Variants in CRB1 observed in about 807,000 individuals in gnomAD.
CRB1 encodes protein crumbs homolog 1.
In CRB1, 83 loss-of-function variants were observed where a neutral mutation model predicts 120.0. The ratio of observed to expected loss-of-function variants is 0.69; its 90% CI spans 0.58 to 0.83. The LOEUF is 0.83. Ranked by LOEUF, CRB1 falls within the 40% of genes least tolerant of loss-of-function variation. The pLI, the probability that CRB1 is intolerant of heterozygous loss-of-function variation, is 0.00. For missense variants in CRB1, 1,699 were observed against 1,687.6 expected, an observed-to-expected ratio of 1.01 and a Z score of -0.12; for synonymous variants, 625 against 612.5, an observed-to-expected ratio of 1.02 and a Z score of -0.30.
intron 1 of CRB1, among the ~76,000 whole-genome samples, chr1:197,311,746 TTGAG>T (rs1558045834): frequency 2.1e-5 from 3 of 140,772 alleles, no homozygotes; most frequent in East Asian, 4.3e-4. Flanking sequence ...TGTGTGTGTG[TTGAG>T]AAGATTTAAG....
intron 1 of CRB1, among the ~76,000 whole-genome samples, chr1:197,287,138 A>T (rs993083824): frequency 6.6e-6 from 1 of 151,934 alleles, no homozygotes; most frequent in African/African-American, 2.4e-5. Context: ...AATATATAGG[A>T]GCTAATTAGA....
intron 2 of CRB1, among the ~76,000 whole-genome samples, chr1:197,331,310 G>C (rs1187552793): frequency 2.0e-5 from 3 of 152,106 alleles, no homozygotes; most frequent in Admixed American, 6.5e-5. Flanking sequence ...TCAGGTAAAT[G>C]AATATTAAAT....
chr1:197,314,535 T>TATAGGA (rs1657733005), intron 1 of CRB1, among the ~76,000 whole-genome samples: 1 of 152,162 alleles, frequency 6.6e-6, no homozygotes, highest in East Asian at 1.9e-4. Flanking sequence ...ATCTAATAAT[T>TATAGGA]TTTATTGTAT....
At chr1:197,242,650 C>T in the CRB1 span, among the ~76,000 whole-genome samples, 1 of 151,922 alleles carries the variant, frequency 6.6e-6, no homozygotes, top group South Asian at 2.1e-4. Context: ...TTTGTTGTGT[C>T]TCTGCCATGT....
At chr1:197,321,793 A>C (rs1204228782) in intron 1 of CRB1, among the ~76,000 whole-genome samples, 1 of 152,208 alleles carries the variant, frequency 6.6e-6, no homozygotes, top group African/African-American at 2.4e-5. Flanking sequence ...CCAGGAGCTC[A>C]AGGGGTATGT....
At chr1:197,388,608 A>G (rs1401746135) in intron 5 of CRB1, among the ~76,000 whole-genome samples, 1 of 152,072 alleles carries the variant, frequency 6.6e-6, no homozygotes, top group Non-Finnish European at 1.5e-5. Flanking sequence ...TTAAATAGCC[A>G]TTCCGAAAAG....
chr1:197,423,484 C>A (rs1212182956), intron 6 of CRB1, among the ~76,000 whole-genome samples: 1 of 152,114 alleles, frequency 6.6e-6, no homozygotes, highest in African/African-American at 2.4e-5. Flanking sequence ...TCTGAAAATT[C>A]TTGGTATAAA....
At position 197,427,585 on chromosome 1, in the gene CRB1, G is replaced by A. The variant is rs1371897880; in HGVS notation, c.2260G>A (p.Ala754Thr). ...GCTTCAACCATCAGGCTTACTTCTA[G>A]CTTTGGAAAACAGCACTTATCAATA... ...RTLQPSGLLL[A>T]LENSTYQYIR... Residue 754 changes from alanine (A) to threonine (T), a missense_variant, in exon 7 of 12, where the codon GCT becomes ACT. By Grantham distance (58) the Ala-to-Thr change is moderately conservative (BLOSUM62 0). Transcript: ENST00000367400. 6.2e-7 allele frequency: 1 copy of A among 1,613,924 alleles called. No homozygotes were observed. The highest frequency in any genetic ancestry group is 8.5e-7 in the Non-Finnish European group (1 of 1,179,976).
intron 3 of CRB1, among the ~76,000 whole-genome samples, chr1:197,345,303 A>G (rs1050240401): frequency 3.3e-5 from 5 of 152,208 alleles, no homozygotes; most frequent in African/African-American, 1.2e-4. Flanking sequence ...ATATTACAAT[A>G]AGGAGTCTAA....
At chr1:197,359,971 A>AT (rs751461071) in intron 5 of CRB1, among the ~76,000 whole-genome samples, 11 of 151,998 alleles carry the variant, frequency 7.2e-5, no homozygotes, top group Non-Finnish European at 1.3e-4. Flanking sequence ...CTGTTGAGTA[A>AT]TTTTCCACAT....
At chr1:197,303,659 G>T (rs1364978954) in intron 1 of CRB1, among the ~76,000 whole-genome samples, 2 of 152,062 alleles carry the variant, frequency 1.3e-5, no homozygotes, top group Non-Finnish European at 2.9e-5. Context: ...CTAGATTGAT[G>T]ATAGAATCAA....
the CRB1 span, among the ~76,000 whole-genome samples, chr1:197,233,978 C>T: frequency 6.6e-6 from 1 of 152,158 alleles, no homozygotes; most frequent in Admixed American, 6.6e-5. Context: ...TTGTGTTTCA[C>T]AGGTGTTACC....
the CRB1 span, among the ~76,000 whole-genome samples, chr1:197,255,334 C>T: frequency 6.6e-6 from 1 of 152,042 alleles, no homozygotes; most frequent in Non-Finnish European, 1.5e-5. Flanking sequence ...CTTGACTCCA[C>T]ACCACCATAG....
At chr1:197,331,744 T>C (rs868700024) in intron 2 of CRB1, among the ~76,000 whole-genome samples, 3 of 152,208 alleles carry the variant, frequency 2.0e-5, no homozygotes, top group African/African-American at 7.2e-5. Context: ...ATTTCAACTA[T>C]AGTATTGTGT....
chr1:197,382,659 A>G (rs776750173), intron 5 of CRB1, among the ~76,000 whole-genome samples: 3 of 152,200 alleles, frequency 2.0e-5, no homozygotes, highest in Non-Finnish European at 4.4e-5. Flanking sequence ...AATATGCCCA[A>G]AGTAAAATTG....
the CRB1 span, among the ~76,000 whole-genome samples, chr1:197,224,104 G>A: frequency 1.3e-5 from 2 of 148,876 alleles, no homozygotes; most frequent in African/African-American, 2.6e-5. Flanking sequence ...TAATAATTCC[G>A]AAAAAATTTT....
chr1:197,393,519 TC>T (rs964797482), intron 5 of CRB1, among the ~76,000 whole-genome samples: 2 of 132,750 alleles, frequency 1.5e-5, no homozygotes, highest in African/African-American at 6.0e-5. Flanking sequence ...TGAAAAGTAG[TC>T]ATTTTTTTTG....
At chr1:197,387,808 G>A (rs1029748697) in intron 5 of CRB1, among the ~76,000 whole-genome samples, 1 of 151,600 alleles carries the variant, frequency 6.6e-6, no homozygotes, top group African/African-American at 2.4e-5. Flanking sequence ...GAAAAATACA[G>A]AAAGGAAAAA....
chr1:197,462,935 A>G (rs1302311269), intron 11 of CRB1, among the ~76,000 whole-genome samples: 2 of 151,512 alleles, frequency 1.3e-5, no homozygotes, highest in African/African-American at 2.4e-5. Context: ...GAAGCAAAAC[A>G]TGGCTGCAAT....
Sources: gnomAD v4.1 joint callset for allele counts (sites outside exome capture counted in the v4.1 genomes callset) on GRCh38, gnomAD v4.1.1 for gene constraint, MANE v1.5 for transcripts, NCBI Gene and HGNC (gene_info 2026-07-23, HGNC 2026-07-21) for gene names.